The following NTMT2 variants were observed in gnomAD, a reference collection of about 807,000 sequenced individuals.
The protein encoded by NTMT2 is X-Pro-Lys N-terminal protein methyltransferase 1B.
Under a neutral mutation model 23.4 loss-of-function variants are expected in NTMT2, and 21 were observed. The ratio of observed to expected loss-of-function variants is 0.90; its 90% CI spans 0.64 to 1.29. The LOEUF is 1.29. NTMT2 is among the 50% of genes most tolerant of loss of function. The pLI is 0.00. For missense variants in NTMT2, 336 were observed against 352.0 expected (o/e 0.95, Z 0.36); for synonymous variants, 131 against 127.7 (o/e 1.03, Z -0.17).
intron 2 of NTMT2, among the ~76,000 whole-genome samples, chr1:170,162,384 G>A (rs1449722814): frequency 1.3e-5 from 2 of 152,192 alleles, no homozygotes; most frequent in Non-Finnish European, 2.9e-5. Flanking sequence ...TCTTCCTGGA[G>A]CACCCAGTGT....
chr1:170,159,669 G>T (rs1240104767), intron 1 of NTMT2, among the ~76,000 whole-genome samples: 1 of 152,096 alleles, frequency 6.6e-6, no homozygotes, highest in Non-Finnish European at 1.5e-5. Context: ...TATTGGGAGG[G>T]AGAGAAGACA....
intron 1 of NTMT2, among the ~76,000 whole-genome samples, chr1:170,154,484 G>A (rs1246693394): frequency 6.6e-6 from 1 of 152,180 alleles, no homozygotes; most frequent in Non-Finnish European, 1.5e-5. Flanking sequence ...GCCCAAATGC[G>A]GGGCATGGAG....
At position 170,165,097 on chromosome 1, in the gene NTMT2, C is replaced by T. The variant is rs544994704; in HGVS notation, c.331-1405C>T. Reference sequence around the variant, plus strand: ...TTTTTATTCTTAGTTCCTGAGAAATCAAGAGTAGGCTTTTCCCTTAAGATC... The same window carrying T: ...TTTTTATTCTTAGTTCCTGAGAAATTAAGAGTAGGCTTTTCCCTTAAGATC... On this transcript the variant is annotated intron_variant, in intron 2 of 3. Transcript: ENST00000439373. Among the ~76,000 whole-genome samples, 6 of 152,102 alleles carry T rather than the reference C, an allele frequency of 3.9e-5. No individual in the cohort carries two copies. In the East Asian group the frequency reaches 1.2e-3, roughly 29 times the overall value.
At chr1:170,159,722 C>G (rs1179967671) in intron 1 of NTMT2, among the ~76,000 whole-genome samples, 1 of 152,098 alleles carries the variant, frequency 6.6e-6, no homozygotes, top group Non-Finnish European at 1.5e-5. Context: ...GAAGTTCCAT[C>G]CTTTAATCTA....
intron 2 of NTMT2, among the ~76,000 whole-genome samples, chr1:170,166,204 A>G (rs898322660): frequency 2.0e-4 from 27 of 135,518 alleles, no homozygotes; most frequent in African/African-American, 7.2e-4. Context: ...CAGTGGCGCA[A>G]TCTCGGCTCA....
rs1672956045 is a variant in NTMT2, at chr1:170,146,028, TTAGAAA to T, written c.-79_-74del. 5 of 1,336,208 alleles carry T rather than the reference TTAGAAA, an allele frequency of 3.7e-6. No individual in the cohort carries two copies. Among genetic ancestry groups the T allele is most frequent in the Middle Eastern group, 1.8e-4 (1 of 5,454 alleles). 82.8% of individuals were successfully genotyped at this position (1,336,208 alleles called of 1,614,324 possible). On this transcript the variant is annotated 5_prime_UTR_variant, in exon 1 of 4. Transcript: ENST00000439373. The stretch of plus-strand genomic sequence containing the variant: ...TTTAAAATGACAGTCTCAAGTTCAT[TTAGAAA>T]GAGAAGGCTAATTCAAAGAAACAGC...
At chr1:170,157,633 A>G (rs545695879) in intron 1 of NTMT2, among the ~76,000 whole-genome samples, 1 of 143,824 alleles carries the variant, frequency 7.0e-6, no homozygotes, top group South Asian at 2.1e-4. Flanking sequence ...AATACTATCC[A>G]ATGTCTCAGT....
chr1:170,157,230 A>G (rs1433229977), intron 1 of NTMT2, among the ~76,000 whole-genome samples: 1 of 152,154 alleles, frequency 6.6e-6, no homozygotes, highest in Non-Finnish European at 1.5e-5. Flanking sequence ...TTTTGAACAT[A>G]AGGACCATCC....
Position 170,166,578 on chromosome 1 carries a change from T to G in NTMT2, c.407T>G (p.Leu136Trp). ...GIGRVSKHVL[L>W]PVFNSVELVD... The stretch of plus-strand genomic sequence containing the variant: ...GGAAGGGTCAGCAAACACGTCTTAT[T>G]GCCTGTTTTCAACAGTGTGGAGCTG... The change falls in exon 3 of 4, where the codon TTG (leucine) becomes TGG (tryptophan). Residue 136 changes from leucine to tryptophan, a missense_variant. Coordinates refer to ENST00000439373, the MANE Select transcript of NTMT2 (RefSeq NM_001136107.2). The G allele has an allele frequency of 6.4e-7, 1 of 1,552,310 alleles. No homozygotes were observed. Among genetic ancestry groups the G allele is most frequent in the South Asian group, 1.2e-5 (1 of 84,052 alleles).
chr1:170,157,954 CT>C (rs562652581), intron 1 of NTMT2: 71 of 152,144 alleles, frequency 4.7e-4, no homozygotes, highest in Admixed American at 1.9e-3. Context: ...GTAATATAAA[CT>C]GATTTCTTTC....
intron 1 of NTMT2, among the ~76,000 whole-genome samples, chr1:170,153,648 A>G (rs1673112125): frequency 6.6e-6 from 1 of 152,252 alleles, no homozygotes; most frequent in African/African-American, 2.4e-5. Context: ...ATAAATTTCT[A>G]AACAGCAAAA....
At chr1:170,163,326 C>T (rs897170463) in intron 2 of NTMT2, among the ~76,000 whole-genome samples, 3 of 152,092 alleles carry the variant, frequency 2.0e-5, no homozygotes, top group Non-Finnish European at 4.4e-5. Context: ...TTAGGGAATA[C>T]GAGTATCTGA....
At position 170,167,779 on chromosome 1, in the gene NTMT2, C is replaced by G; in HGVS notation, c.*22C>G. 6.5e-7 allele frequency: 1 copy of G among 1,535,678 alleles called. No individual in the cohort carries two copies. The highest frequency in any genetic ancestry group is 1.2e-5 in the South Asian group (1 of 81,362). ...CTGAAAAAGCAGTGGGAATGAACGA[C>G]TGGACTGGGCAGTGGTGCTTTGGGA... is the stretch of plus-strand genomic sequence containing the variant. On this transcript the variant is annotated 3_prime_UTR_variant, in exon 4 of 4. Coordinates refer to ENST00000439373, the MANE Select transcript of NTMT2 (RefSeq NM_001136107.2).
Position 170,167,573 on chromosome 1 carries a change from A to G in NTMT2, c.668A>G (p.Asn223Ser), listed in dbSNP as rs1673420098. ...KENGIIILKD[N>S]VAREGCILDL... Reference sequence around the variant, plus strand: ...AATGGCATCATCATATTGAAGGACAATGTGGCCCGGGAGGGCTGTATCCTT... The same window carrying G: ...AATGGCATCATCATATTGAAGGACAGTGTGGCCCGGGAGGGCTGTATCCTT... The change falls in exon 4 of 4, where the codon AAT becomes AGT. Residue 223 changes from asparagine (N) to serine (S), a missense_variant. Physicochemically the swap from Asn to Ser is conservative, Grantham distance 46. Coordinates refer to ENST00000439373, the MANE Select transcript of NTMT2 (RefSeq NM_001136107.2). 1.3e-6 allele frequency: 2 copies of G among 1,551,712 alleles called. No homozygotes were observed. Among genetic ancestry groups the G allele is most frequent in the Non-Finnish European group, 1.7e-6 (2 of 1,147,000 alleles).
chr1:170,160,949 G>A (rs1673263555), intron 2 of NTMT2, among the ~76,000 whole-genome samples: 1 of 152,156 alleles, frequency 6.6e-6, no homozygotes, highest in Non-Finnish European at 1.5e-5. Flanking sequence ...TCAGAGGAAG[G>A]TGAATTAGCA....
chr1:170,166,388 G>T, intron 2 of NTMT2, 114 bp from the exon 3 acceptor site: 2 of 1,094,406 alleles, frequency 1.8e-6, no homozygotes, highest in Non-Finnish European at 1.3e-6. Context: ...TGATCCGCCC[G>T]CCTCGGCCTC....
chr1:170,154,084 G>A (rs1310546651), intron 1 of NTMT2, among the ~76,000 whole-genome samples: 2 of 152,164 alleles, frequency 1.3e-5, no homozygotes, highest in Non-Finnish European at 2.9e-5. Context: ...CCCAGGTACA[G>A]CTGAGGCATC....
At chr1:170,158,336 TA>T (rs1401495045) in intron 1 of NTMT2, among the ~76,000 whole-genome samples, 1 of 152,184 alleles carries the variant, frequency 6.6e-6, no homozygotes, top group East Asian at 1.9e-4. Context: ...TTAGTGTAAG[TA>T]TTTACCCTGG....
chr1:170,165,656 AT>A (rs1673364709), intron 2 of NTMT2, among the ~76,000 whole-genome samples: 1 of 152,204 alleles, frequency 6.6e-6, no homozygotes, highest in African/African-American at 2.4e-5. Flanking sequence ...CCAAACTGAA[AT>A]GTTTCCATTG....
Sources: allele counts gnomAD v4.1 joint callset (sites outside exome capture counted in the v4.1 genomes callset), GRCh38; gene constraint gnomAD v4.1.1; transcripts MANE v1.5; gene names NCBI Gene and HGNC (gene_info 2026-07-23, HGNC 2026-07-21).